Variants in PLEKHM3 observed in about 807,000 individuals in gnomAD.
PLEKHM3 encodes pleckstrin homology domain-containing family M member 3.
PLEKHM3 carries 45 observed loss-of-function variants against 81.8 expected under a neutral mutation model. The observed-to-expected ratio is 0.55, with a 90% CI of 0.43 to 0.71. The LOEUF (loss-of-function observed/expected upper bound fraction) is 0.71. PLEKHM3 is among the 30% of genes least tolerant of loss of function. The pLI, the probability that PLEKHM3 is intolerant of heterozygous loss-of-function variation, is 0.00. For missense variants in PLEKHM3, 788 were observed against 924.3 expected, an observed-to-expected ratio of 0.85 and a Z score of 1.91; for synonymous variants, 352 against 356.4, an observed-to-expected ratio of 0.99 and a Z score of 0.14.
At chr2:207,869,482 T>C (rs888020483) in intron 6 of PLEKHM3, among the ~76,000 whole-genome samples, 3 of 152,242 alleles carry the variant, frequency 2.0e-5, no homozygotes, top group Non-Finnish European at 4.4e-5. Context: ...TTAAACTTAA[T>C]GTCTTGTACT....
intron 7 of PLEKHM3, among the ~76,000 whole-genome samples, chr2:207,860,226 T>C: frequency 6.6e-6 from 1 of 151,250 alleles, no homozygotes; most frequent in East Asian, 2.0e-4. Flanking sequence ...TCTATGTGTT[T>C]ATGTGTCTGT....
intron 6 of PLEKHM3, among the ~76,000 whole-genome samples, chr2:207,863,855 A>G (rs992333550): frequency 1.3e-5 from 2 of 152,006 alleles, no homozygotes; most frequent in Non-Finnish European, 2.9e-5. Flanking sequence ...TGAAAAAGAG[A>G]TAAATAAATA....
chr2:208,016,599 G>A (rs947746687), intron 1 of PLEKHM3, among the ~76,000 whole-genome samples: 3 of 146,510 alleles, frequency 2.0e-5, no homozygotes, highest in East Asian at 2.0e-4. Flanking sequence ...GCAGTGAGCC[G>A]AGACCGAGCC....
At chr2:207,998,558 A>G (rs1306957490) in intron 2 of PLEKHM3, among the ~76,000 whole-genome samples, 1 of 152,212 alleles carries the variant, frequency 6.6e-6, no homozygotes, top group Non-Finnish European at 1.5e-5. Context: ...AGAATATATT[A>G]TAGCGATACT....
chr2:207,958,488 G>C (rs1690596527), intron 3 of PLEKHM3, among the ~76,000 whole-genome samples: 1 of 152,130 alleles, frequency 6.6e-6, no homozygotes, highest in South Asian at 2.1e-4. Context: ...GGGGCTACCA[G>C]GATTCTCTAT....
intron 5 of PLEKHM3, among the ~76,000 whole-genome samples, chr2:207,925,790 A>G (rs1172482649): frequency 6.6e-6 from 1 of 152,130 alleles, no homozygotes; most frequent in African/African-American, 2.4e-5. Context: ...GCGCATTGTA[A>G]TGGCCTAGCC....
At chr2:207,832,020 ATC>A (rs1202570459) in intron 7 of PLEKHM3, among the ~76,000 whole-genome samples, 1 of 152,114 alleles carries the variant, frequency 6.6e-6, no homozygotes, top group African/African-American at 2.4e-5. Flanking sequence ...CCACTCCCTT[ATC>A]TCTGCTGATA....
intron 4 of PLEKHM3, among the ~76,000 whole-genome samples, chr2:207,933,323 T>C (rs1254890194): frequency 6.6e-6 from 1 of 152,210 alleles, no homozygotes; most frequent in Non-Finnish European, 1.5e-5. Flanking sequence ...TTAGGTATAA[T>C]AGCCCACAGT....
At chr2:207,998,756 T>C (rs1298189972) in intron 2 of PLEKHM3, among the ~76,000 whole-genome samples, 2 of 152,142 alleles carry the variant, frequency 1.3e-5, no homozygotes, top group Non-Finnish European at 2.9e-5. Flanking sequence ...ATATTTACAA[T>C]CAAAACAAGA....
rs546930534 is a variant in PLEKHM3, at chr2:208,004,432, A to T, written c.-318-2475T>A. On this transcript the variant is annotated intron_variant, in intron 1 of 7. Transcript: ENST00000427836. ...TGCCCTGTCTCAAAAAAAAAAAAAAATGTATATCACCATTGTTGGCCATGC... is the reference window on the plus strand; with the variant it reads ...TGCCCTGTCTCAAAAAAAAAAAAAATTGTATATCACCATTGTTGGCCATGC... Among the ~76,000 whole-genome samples the T allele has an allele frequency of 2.0e-4, 29 of 147,662 alleles. No individual in the cohort carries two copies. The South Asian group carries it at 6.0e-3, about 31-fold the overall frequency.
At chr2:207,832,136 A>G (rs886965849) in intron 7 of PLEKHM3, among the ~76,000 whole-genome samples, 4 of 152,224 alleles carry the variant, frequency 2.6e-5, no homozygotes, top group Admixed American at 6.5e-5. Context: ...CTTTCTAACC[A>G]AAGGTCAGTA....
intron 6 of PLEKHM3, among the ~76,000 whole-genome samples, chr2:207,872,063 T>G (rs956315912): frequency 7.2e-5 from 11 of 152,062 alleles, no homozygotes; most frequent in African/African-American, 2.7e-4. Flanking sequence ...CCCAGAGAGG[T>G]GATGAGCTCT....
chr2:208,022,518 C>A (rs1401027252), intron 1 of PLEKHM3, among the ~76,000 whole-genome samples: 1 of 152,098 alleles, frequency 6.6e-6, no homozygotes, highest in Non-Finnish European at 1.5e-5. Flanking sequence ...GAATCTAGTT[C>A]CTTGTGGCTT....
chr2:208,000,958 A>T, intron 2 of PLEKHM3, 72 bp downstream of exon 2: 1 of 1,311,292 alleles, frequency 7.6e-7, no homozygotes, highest in Non-Finnish European at 1.0e-6. Context: ...ATAAAAACAT[A>T]CAAGCTTATC....
At chr2:207,957,143 G>A (rs1244432972) in intron 3 of PLEKHM3, among the ~76,000 whole-genome samples, 1 of 151,984 alleles carries the variant, frequency 6.6e-6, no homozygotes, top group East Asian at 1.9e-4. Flanking sequence ...GTGGTTTGGG[G>A]GAGAAAATGC....
chr2:207,898,563 G>A (rs569611253), intron 6 of PLEKHM3, among the ~76,000 whole-genome samples: 6 of 152,232 alleles, frequency 3.9e-5, no homozygotes, highest in Admixed American at 6.5e-5. Context: ...AGATCAGCCC[G>A]GGCGACATGG....
At chr2:207,833,895 T>C (rs191120057) in intron 7 of PLEKHM3, among the ~76,000 whole-genome samples, 55 of 152,334 alleles carry the variant, frequency 3.6e-4, no homozygotes, top group Admixed American at 1.2e-3. Context: ...AGTGTACTTA[T>C]TCATTTAACT....
intron 6 of PLEKHM3, among the ~76,000 whole-genome samples, chr2:207,887,826 A>T (rs933370957): frequency 9.9e-5 from 15 of 152,208 alleles, no homozygotes; most frequent in African/African-American, 3.6e-4. Flanking sequence ...AAGAGAGGGC[A>T]TTAATTTAGT....
chr2:207,833,036 C>T (rs1379666114), intron 7 of PLEKHM3, among the ~76,000 whole-genome samples: 3 of 148,984 alleles, frequency 2.0e-5, no homozygotes, highest in African/African-American at 7.5e-5. Context: ...CGCTGAAACC[C>T]AGGAGACAGA....
Sources: allele counts gnomAD v4.1 joint callset (sites outside exome capture counted in the v4.1 genomes callset), GRCh38; gene constraint gnomAD v4.1.1; transcripts MANE v1.5; gene names NCBI Gene and HGNC (gene_info 2026-07-23, HGNC 2026-07-21).